ANKIB1: variants seen among roughly 807,000 people sequenced by gnomAD.
ANKIB1 encodes the protein ankyrin repeat and IBR domain-containing protein 1.
A neutral mutation model predicts 122.1 loss-of-function variants in ANKIB1; 43 were observed. The observed-to-expected ratio is 0.35, with a 90% CI of 0.28 to 0.45. ANKIB1 has a LOEUF of 0.45. ANKIB1 is among the 20% of genes least tolerant of loss of function. The pLI, the probability that ANKIB1 is intolerant of heterozygous loss-of-function variation, is 1.00. For synonymous variants in ANKIB1, 390 were observed against 442.0 expected, an observed-to-expected ratio of 0.88 and a Z score of 1.48; for missense variants, 992 against 1,329.5, an observed-to-expected ratio of 0.75 and a Z score of 3.95.
At chr7:92,291,567 C>CTTTTT (rs1188174295) in intron 1 of ANKIB1, among the ~76,000 whole-genome samples, 67 of 116,504 alleles carry the variant, frequency 5.8e-4, no homozygotes, top group Non-Finnish European at 8.5e-4. Context: ...TTTTCTTTTT[C>CTTTTT]TTTTTTTTTT....
chr7:92,318,206 A>G lies in ANKIB1; in HGVS notation c.487-1124A>G, dbSNP rs150328197. 1.4e-3 allele frequency among the ~76,000 whole-genome samples: 209 copies of G among 152,306 alleles called. 1 individual carries two copies. The highest frequency in any genetic ancestry group is 2.5e-3 in the Non-Finnish European group (168 of 68,018). On this transcript the variant is annotated intron_variant, in intron 3 of 19. Coordinates refer to ENST00000265742, the MANE Select transcript of ANKIB1 (RefSeq NM_019004.2). ...TGACTGTTACTATATTATTATGAGTATGACTGAATCCTATAAAAGAATCCT... is the reference window on the plus strand; with the variant it reads ...TGACTGTTACTATATTATTATGAGTGTGACTGAATCCTATAAAAGAATCCT...
chr7:92,300,270 C>G (rs1279783597), intron 2 of ANKIB1, among the ~76,000 whole-genome samples: 1 of 152,118 alleles, frequency 6.6e-6, no homozygotes, highest in African/African-American at 2.4e-5. Flanking sequence ...ATTGTATATT[C>G]TCTTTTACTT....
chr7:92,353,943 GA>G (rs1803724020), intron 9 of ANKIB1, among the ~76,000 whole-genome samples: 1 of 152,164 alleles, frequency 6.6e-6, no homozygotes, highest in South Asian at 2.1e-4. Flanking sequence ...CATAAATTAG[GA>G]AAATGTCTAA....
chr7:92,351,857 A>C (rs1562790075), intron 8 of ANKIB1, among the ~76,000 whole-genome samples: 1 of 151,300 alleles, frequency 6.6e-6, no homozygotes. Flanking sequence ...AGTAGCTGGG[A>C]TTACGGGCGC....
chr7:92,293,102 A>C (rs141813467), intron 1 of ANKIB1, among the ~76,000 whole-genome samples: 1 of 152,176 alleles, frequency 6.6e-6, no homozygotes, highest in South Asian at 2.1e-4. Context: ...CAGACATCTT[A>C]CTCTGATACT....
Position 92,387,805 on chromosome 7 carries a change from A to G in ANKIB1, c.1760A>G (p.Lys587Arg), listed in dbSNP as rs572656186. The change falls in exon 13 of 20, where the codon AAA (lysine) becomes AGA (arginine). Residue 587 changes from lysine to arginine, a missense_variant. Physicochemically the swap from Lys to Arg is conservative, Grantham distance 26 (BLOSUM62 2). Around this residue, in one of 4 missense-constraint regions of ANKIB1, gnomAD observed 521 missense variants for 777.7 expected, o/e 0.67. Transcript: ENST00000265742. ...QSKEMTVEAE[K>R]KHKRFQELDR... is the part of the protein sequence containing the mutation. The stretch of plus-strand genomic sequence containing the variant: ...TGGACTTTTGTTTTCTAGGCTGAGA[A>G]AAAACACAAACGATTTCAGGAACTT... 5 of 1,608,930 alleles carry G rather than the reference A, an allele frequency of 3.1e-6. No individual in the cohort carries two copies. In the South Asian group the frequency reaches 4.5e-5, roughly 14 times the overall value.
intron 5 of ANKIB1, among the ~76,000 whole-genome samples, chr7:92,331,332 A>G (rs1053194671): frequency 2.0e-5 from 3 of 151,366 alleles, no homozygotes; most frequent in Non-Finnish European, 2.9e-5. Flanking sequence ...CAGTAGCACA[A>G]TCTTGGCTTA....
chr7:92,251,206 G>T (rs566230024), intron 1 of ANKIB1, among the ~76,000 whole-genome samples: 6 of 152,132 alleles, frequency 3.9e-5, no homozygotes, highest in African/African-American at 1.4e-4. Flanking sequence ...TAGGTGCTGG[G>T]TCTACAAAGA....
At chr7:92,317,852 T>C (rs1176508378) in intron 3 of ANKIB1, among the ~76,000 whole-genome samples, 1 of 152,218 alleles carries the variant, frequency 6.6e-6, no homozygotes. Flanking sequence ...ACCATTTTGA[T>C]CAACTCATGC....
chr7:92,253,222 TA>T (rs940486050), intron 1 of ANKIB1, among the ~76,000 whole-genome samples: 1 of 152,242 alleles, frequency 6.6e-6, no homozygotes, highest in Non-Finnish European at 1.5e-5. Context: ...CTGGCAGCAA[TA>T]AACTAGGCTT....
chr7:92,247,398 C>G (rs1023384912), intron 1 of ANKIB1, among the ~76,000 whole-genome samples: 44 of 152,134 alleles, frequency 2.9e-4, no homozygotes, highest in African/African-American at 9.9e-4. Flanking sequence ...TGCTTTGTTG[C>G]TTTTGAGACA....
chr7:92,374,861 T>A (rs1028224852), intron 11 of ANKIB1, among the ~76,000 whole-genome samples: 2 of 149,200 alleles, frequency 1.3e-5, no homozygotes, highest in African/African-American at 4.9e-5. Flanking sequence ...GATAAACCAC[T>A]AAGCTAACAT....
At chr7:92,361,557 A>T (rs930700631) in intron 9 of ANKIB1, among the ~76,000 whole-genome samples, 1 of 152,206 alleles carries the variant, frequency 6.6e-6, no homozygotes, top group Admixed American at 6.5e-5. Context: ...TAAAATATTA[A>T]TGAGGATAAA....
intron 11 of ANKIB1, among the ~76,000 whole-genome samples, chr7:92,379,825 A>G (rs967860027): frequency 2.6e-5 from 4 of 152,198 alleles, no homozygotes; most frequent in African/African-American, 9.7e-5. Context: ...AGCTCCAATG[A>G]TCGACACAGA....
chr7:92,396,326 G>A (rs759482677), intron 17 of ANKIB1, 39 bp from the exon 18 acceptor site: 1 of 1,111,788 alleles, frequency 9.0e-7, no homozygotes, highest in South Asian at 1.4e-5. Flanking sequence ...TTTAAAAATT[G>A]CATGCTCTCT....
intron 9 of ANKIB1, among the ~76,000 whole-genome samples, chr7:92,357,054 A>C (rs892901473): frequency 2.6e-5 from 4 of 152,178 alleles, no homozygotes; most frequent in Non-Finnish European, 5.9e-5. Flanking sequence ...TCAAGTAATA[A>C]ATTTTAAAAC....
Position 92,280,732 on chromosome 7 carries a change from A to C in ANKIB1, c.-90-14157A>C, listed in dbSNP as rs532890597. On this transcript the variant is annotated intron_variant, in intron 1 of 19. Transcript: ENST00000265742. ...AGCAGGTGAACTCTCCCAGCATTGG[A>C]TCTATCATTCTCAAATCTCGCTGAC... Among the ~76,000 whole-genome samples, 16 of 152,266 alleles carry C rather than the reference A, an allele frequency of 1.1e-4. No homozygotes were observed. The South Asian group carries it at 3.3e-3, about 32-fold the overall frequency.
chr7:92,312,828 T>C (rs1413881424), intron 3 of ANKIB1, among the ~76,000 whole-genome samples: 8 of 152,174 alleles, frequency 5.3e-5, no homozygotes, highest in Non-Finnish European at 1.2e-4. Flanking sequence ...TAAAGCTCCA[T>C]TAAAACATAA....
intron 2 of ANKIB1, among the ~76,000 whole-genome samples, 161 bp downstream of exon 2, chr7:92,295,327 A>C (rs1324605108): frequency 6.6e-6 from 1 of 152,182 alleles, no homozygotes; most frequent in Non-Finnish European, 1.5e-5. Flanking sequence ...TAGTGAATTA[A>C]ACTTTCTAAA....
Sources: allele counts gnomAD v4.1 joint callset (sites outside exome capture counted in the v4.1 genomes callset), GRCh38; gene constraint gnomAD v4.1.1; regional missense constraint gnomAD v4.1.1; transcripts MANE v1.5; gene names NCBI Gene and HGNC (gene_info 2026-07-23, HGNC 2026-07-21).